The following KIAA1549L variants were observed in gnomAD, a reference collection of about 807,000 sequenced individuals.
KIAA1549L encodes KIAA1549 like, also known as UPF0606 protein KIAA1549L.
KIAA1549L carries 88 observed loss-of-function variants against 160.7 expected under a neutral mutation model. That is an observed-to-expected ratio of 0.55 (90% CI 0.46 to 0.65). KIAA1549L has a LOEUF of 0.65. KIAA1549L is among the 30% of genes least tolerant of loss of function. The pLI, the probability that KIAA1549L is intolerant of heterozygous loss-of-function variation, is 0.00. For synonymous variants in KIAA1549L, 950 were observed against 976.7 expected (o/e 0.97, Z 0.51); for missense variants, 2,258 against 2,437.5 (o/e 0.93, Z 1.55).
intron 11 of KIAA1549L, among the ~76,000 whole-genome samples, chr11:33,584,084 G>A (rs1047173841): frequency 7.2e-5 from 11 of 152,322 alleles, no homozygotes; most frequent in African/African-American, 2.4e-4. Context: ...GCCCTAGAGA[G>A]CTCTCTTCCA....
At position 33,642,544 on chromosome 11, in the gene KIAA1549L, G is replaced by C. The variant is rs146442964; in HGVS notation, c.5410-3142G>C. The stretch of plus-strand genomic sequence containing the variant: ...TATTGGCTAAGGTTAGACTGCACAG[G>C]CTAAACTAATTCCGATTGGCTGATT... On this transcript the variant is annotated intron_variant, in intron 16 of 20. Coordinates refer to ENST00000658780, the MANE Select transcript of KIAA1549L (RefSeq NM_012194.3). Among the ~76,000 whole-genome samples, 996 of 149,628 alleles carry C rather than the reference G, an allele frequency of 6.7e-3. 9 individuals carry two copies. The highest frequency in any genetic ancestry group is 0.015 in the African/African-American group (626 of 40,580).
At chr11:33,663,415 G>T (rs1324909758) in intron 20 of KIAA1549L, among the ~76,000 whole-genome samples, 3 of 152,188 alleles carry the variant, frequency 2.0e-5, no homozygotes, top group African/African-American at 7.2e-5. Context: ...GATGGCTCCA[G>T]CCTGCATCTA....
At chr11:33,474,097 C>T (rs1340043140) in intron 1 of KIAA1549L, among the ~76,000 whole-genome samples, 1 of 152,168 alleles carries the variant, frequency 6.6e-6, no homozygotes, top group Non-Finnish European at 1.5e-5. Flanking sequence ...GTCTCCTGCA[C>T]TCAGAGCTAG....
chr11:33,546,465 G>A (rs1392958263), intron 3 of KIAA1549L, among the ~76,000 whole-genome samples: 1 of 151,988 alleles, frequency 6.6e-6, no homozygotes, highest in Non-Finnish European at 1.5e-5. Context: ...TCAATCACCA[G>A]TTCCTTTCAC....
intron 1 of KIAA1549L, among the ~76,000 whole-genome samples, chr11:33,475,122 A>G (rs1182279040): frequency 1.3e-5 from 2 of 152,114 alleles, no homozygotes; most frequent in Admixed American, 1.3e-4. Flanking sequence ...TGACTTTCTG[A>G]GCAGAGGGGG....
rs1855710145 is a variant in KIAA1549L, at chr11:33,583,417, C to T, written c.4482C>T (p.Ile1494=). 6.3e-7 allele frequency: 1 copy of T among 1,597,016 alleles called. No individual in the cohort carries two copies. The highest frequency in any genetic ancestry group is 8.5e-7 in the Non-Finnish European group (1 of 1,171,522). ...CCATTGCCGTGGTCACGGTCATCATCATCATCATCACTGCCGTGCTCTGCA... is the reference window on the plus strand; with the variant it reads ...CCATTGCCGTGGTCACGGTCATCATTATCATCATCACTGCCGTGCTCTGCA... ...LAPIAVVTVI[I]IIITAVLCRK... Residue 1494 remains isoleucine (I), a synonymous_variant, in exon 11 of 21, where the codon ATC becomes ATT. Transcript: ENST00000658780.
chr11:33,651,503 C>G (rs1428839608), intron 17 of KIAA1549L, among the ~76,000 whole-genome samples: 1 of 148,648 alleles, frequency 6.7e-6, no homozygotes, highest in African/African-American at 2.5e-5. Context: ...CTCCTTCTTC[C>G]CTGGGACAGG....
Position 33,547,896 on chromosome 11 carries a change from G to A in KIAA1549L, c.3501+17G>A. 1 of 1,515,406 alleles carries A rather than the reference G, an allele frequency of 6.6e-7. No homozygotes were observed. The highest frequency in any genetic ancestry group is 9.2e-7 in the Non-Finnish European group (1 of 1,092,458). The allele number at this position is 1,515,406 out of a possible 1,614,324, so 93.9% of individuals were successfully genotyped here. A position where few individuals can be genotyped will look rare whatever the true frequency, so the allele number is the denominator to read the frequency against. ...TCAGCTCACGTAAGTGCTTTGCTTT[G>A]TAACCAAGCTAATCCATCACAGTCT... On this transcript the variant is annotated intron_variant, in intron 4 of 20. Transcript: ENST00000658780.
Position 33,626,027 on chromosome 11 carries a change from C to T in KIAA1549L, c.5409+7365C>T, listed in dbSNP as rs1482278513. ...TTTATTAAATAGGGAATCCTTTCCC[C>T]GTTGCTTGTTTTTCTCAGGTTTGTC... On this transcript the variant is annotated intron_variant, in intron 16 of 20. Transcript: ENST00000658780. 1.3e-4 allele frequency among the ~76,000 whole-genome samples: 20 copies of T among 150,546 alleles called. No homozygotes were observed. In the South Asian group the frequency reaches 2.9e-3, roughly 22 times the overall value.
chr11:33,649,968 C>A (rs563784781), intron 17 of KIAA1549L, among the ~76,000 whole-genome samples: 3 of 152,102 alleles, frequency 2.0e-5, no homozygotes, highest in Admixed American at 2.0e-4. Context: ...TGGCCCAGGG[C>A]GTGAGAGATT....
chr11:33,404,771 A>G (rs1310149313), intron 1 of KIAA1549L, among the ~76,000 whole-genome samples: 2 of 152,088 alleles, frequency 1.3e-5, no homozygotes, highest in Non-Finnish European at 2.9e-5. Context: ...GCACTTTGGG[A>G]GGCTGAGGCA....
Position 33,598,919 on chromosome 11 carries a change from G to T in KIAA1549L, c.4851G>T (p.Val1617=). The T allele has an allele frequency of 6.2e-7, 1 of 1,613,718 alleles. No individual in the cohort carries two copies. Among genetic ancestry groups the T allele is most frequent in the South Asian group, 1.1e-5 (1 of 91,052 alleles). ...SPQNVMAQQK[V]TKEEARKRNV... ...AGAATGTAATGGCACAGCAGAAAGT[G>T]ACAAAGGAGGAGGCAAGGAAGAGAA... Residue 1617 remains valine (V), a synonymous_variant, in exon 13 of 21, where the codon GTG becomes GTT. Transcript: ENST00000658780.
At chr11:33,538,297 T>C (rs559147781) in intron 1 of KIAA1549L, among the ~76,000 whole-genome samples, 1 of 152,340 alleles carries the variant, frequency 6.6e-6, no homozygotes, top group South Asian at 2.1e-4. Flanking sequence ...CAGATGAGAT[T>C]TGGGTGGAGA....
intron 16 of KIAA1549L, among the ~76,000 whole-genome samples, chr11:33,628,261 G>A (rs1200258048): frequency 1.3e-5 from 2 of 152,126 alleles, no homozygotes; most frequent in African/African-American, 4.8e-5. Flanking sequence ...TGTATATTCT[G>A]TTGATTTGGG....
intron 1 of KIAA1549L, among the ~76,000 whole-genome samples, chr11:33,456,028 T>C (rs549583770): frequency 6.6e-6 from 1 of 152,170 alleles, no homozygotes; most frequent in African/African-American, 2.4e-5. Context: ...CTTAGGAAAG[T>C]GGAAGATCAG....
At chr11:33,390,908 G>A (rs1424111263) in intron 1 of KIAA1549L, among the ~76,000 whole-genome samples, 1 of 152,152 alleles carries the variant, frequency 6.6e-6, no homozygotes, top group African/African-American at 2.4e-5. Context: ...GATGTGACCT[G>A]GCCCTGGCAC....
chr11:33,572,385 A>G (rs770813831), intron 9 of KIAA1549L, among the ~76,000 whole-genome samples: 13 of 152,206 alleles, frequency 8.5e-5, no homozygotes, highest in Non-Finnish European at 1.8e-4. Context: ...GTCAACACCC[A>G]TATCACTATC....
chr11:33,567,194 G>A (rs1377018080), intron 8 of KIAA1549L, among the ~76,000 whole-genome samples: 1 of 152,154 alleles, frequency 6.6e-6, no homozygotes, highest in Admixed American at 6.5e-5. Context: ...ATGAAGCCTA[G>A]CGGTGGAAAA....
intron 1 of KIAA1549L, among the ~76,000 whole-genome samples, chr11:33,532,778 G>A (rs977375866): frequency 3.3e-5 from 5 of 152,176 alleles, no homozygotes; most frequent in East Asian, 1.9e-4. Flanking sequence ...AAGTGCTGCC[G>A]TTAAGGAAAC....
Sources: allele counts gnomAD v4.1 joint callset (sites outside exome capture counted in the v4.1 genomes callset), GRCh38; gene constraint gnomAD v4.1.1; transcripts MANE v1.5; gene names NCBI Gene and HGNC (gene_info 2026-07-23, HGNC 2026-07-21).